The following PTPRG variants were observed in gnomAD, a reference collection of about 807,000 sequenced individuals.
PTPRG encodes the protein receptor-type tyrosine-protein phosphatase gamma.
PTPRG carries 102 observed loss-of-function variants against 165.3 expected under a neutral mutation model. That is an observed-to-expected ratio of 0.62 (90% CI 0.53 to 0.73). The LOEUF (loss-of-function observed/expected upper bound fraction) is 0.73. PTPRG is among the 30% of genes least tolerant of loss of function. PTPRG has a pLI of 0.00. For missense variants in PTPRG, 1,866 were observed against 1,861.4 expected (o/e 1.00, Z -0.05); for synonymous variants, 675 against 669.5 (o/e 1.01, Z -0.13).
At chr3:62,032,218 C>T (rs1275597727) in intron 4 of PTPRG, among the ~76,000 whole-genome samples, 1 of 152,138 alleles carries the variant, frequency 6.6e-6, no homozygotes, top group Non-Finnish European at 1.5e-5. Flanking sequence ...TCACAGGAGC[C>T]AGTGGGCACA....
intron 2 of PTPRG, among the ~76,000 whole-genome samples, chr3:61,825,331 G>C (rs2036075030): frequency 6.6e-6 from 1 of 152,140 alleles, no homozygotes; most frequent in African/African-American, 2.4e-5. Flanking sequence ...TGGTCATACT[G>C]AACACAGATT....
At chr3:62,016,051 A>C (rs923774585) in intron 4 of PTPRG, among the ~76,000 whole-genome samples, 1 of 152,198 alleles carries the variant, frequency 6.6e-6, no homozygotes, top group Non-Finnish European at 1.5e-5. Flanking sequence ...TGTAACATAG[A>C]GAAGTGATCA....
At chr3:61,607,133 A>G (rs1213822908) in intron 1 of PTPRG, among the ~76,000 whole-genome samples, 1 of 152,152 alleles carries the variant, frequency 6.6e-6, no homozygotes, top group East Asian at 1.9e-4. Flanking sequence ...TGGAACTTAG[A>G]GTGACCAGCA....
chr3:62,216,453 T>C (rs1700507376), intron 12 of PTPRG, among the ~76,000 whole-genome samples: 1 of 151,992 alleles, frequency 6.6e-6, no homozygotes, highest in Non-Finnish European at 1.5e-5. Context: ...ACAGAGTGGA[T>C]ACTGATTTTA....
intron 2 of PTPRG, among the ~76,000 whole-genome samples, chr3:61,961,964 C>A (rs2040162463): frequency 6.6e-6 from 1 of 152,012 alleles, no homozygotes; most frequent in African/African-American, 2.4e-5. Flanking sequence ...GTTCTTTGCC[C>A]TTCTTTGCTG....
intron 5 of PTPRG, among the ~76,000 whole-genome samples, chr3:62,097,006 A>G (rs995303420): frequency 3.3e-5 from 5 of 152,204 alleles, no homozygotes; most frequent in African/African-American, 1.2e-4. Flanking sequence ...GCCCATCTTA[A>G]AAGTGAAATT....
intron 12 of PTPRG, among the ~76,000 whole-genome samples, chr3:62,206,292 G>T (rs1335932075): frequency 1.3e-5 from 2 of 152,156 alleles, no homozygotes; most frequent in Admixed American, 1.3e-4. Context: ...TATGAGGTGT[G>T]TAGGTCCTCG....
At position 62,281,560 on chromosome 3, in the gene PTPRG, A is replaced by G. The variant is rs1702451077; in HGVS notation, c.3766-3A>G. 2 of 368,050 alleles carry G rather than the reference A, an allele frequency of 5.4e-6. No individual in the cohort carries two copies. Among genetic ancestry groups the G allele is most frequent in the African/African-American group, 8.6e-5 (1 of 11,626 alleles). 22.8% of individuals were successfully genotyped at this position (368,050 alleles called of 1,614,324 possible). A position where few individuals can be genotyped will look rare whatever the true frequency, so the allele number is the denominator to read the frequency against. On this transcript the variant is annotated splice_region_variant and splice_polypyrimidine_tract_variant and intron_variant, in intron 26 of 29. Transcript: ENST00000474889. ...AGGCTTTTTTTTTTTTTGGATTCCA[A>G]AGGCAGAAGATGAGTTTGTGTACTG...
chr3:62,069,665 CTCTCTCT>C (rs1235173558), intron 4 of PTPRG, among the ~76,000 whole-genome samples: 2 of 147,654 alleles, frequency 1.4e-5, no homozygotes, highest in Non-Finnish European at 3.0e-5. Flanking sequence ...CTCTCTCTCT[CTCTCTCT>C]CTCTCTCTCT....
intron 2 of PTPRG, among the ~76,000 whole-genome samples, chr3:61,941,316 A>G (rs1416008333): frequency 1.3e-5 from 2 of 152,378 alleles, no homozygotes; most frequent in East Asian, 1.9e-4. Flanking sequence ...AGAGAGTCAG[A>G]TGATCAGTTA....
chr3:62,024,067 G>T (rs535973138), intron 4 of PTPRG, among the ~76,000 whole-genome samples: 1 of 152,240 alleles, frequency 6.6e-6, no homozygotes, highest in African/African-American at 2.4e-5. Flanking sequence ...TTGTAAGAGT[G>T]TCTGTTTAGT....
At chr3:61,903,022 A>C (rs1430270160) in intron 2 of PTPRG, among the ~76,000 whole-genome samples, 1 of 152,078 alleles carries the variant, frequency 6.6e-6, no homozygotes, top group African/African-American at 2.4e-5. Context: ...GGCACATGTA[A>C]GACCTGCCAA....
intron 1 of PTPRG, among the ~76,000 whole-genome samples, chr3:61,662,803 A>C (rs1288165711): frequency 2.0e-5 from 3 of 152,212 alleles, no homozygotes; most frequent in Non-Finnish European, 4.4e-5. Context: ...GATCTGTTCC[A>C]GTAGCATTTT....
chr3:62,058,330 T>C (rs954209246), intron 4 of PTPRG, among the ~76,000 whole-genome samples: 1 of 151,904 alleles, frequency 6.6e-6, no homozygotes, highest in Non-Finnish European at 1.5e-5. Flanking sequence ...TATGCACTTA[T>C]TTATTATTAT....
intron 2 of PTPRG, among the ~76,000 whole-genome samples, chr3:61,854,309 A>G (rs552875854): frequency 7.7e-4 from 118 of 152,306 alleles, no homozygotes; most frequent in Non-Finnish European, 1.5e-3. Context: ...CACCATAATT[A>G]TAAAAACATT....
At chr3:61,719,116 A>G (rs2031942205) in intron 1 of PTPRG, among the ~76,000 whole-genome samples, 1 of 152,208 alleles carries the variant, frequency 6.6e-6, no homozygotes. Flanking sequence ...AACAGCAAGG[A>G]TTCCAGACAT....
chr3:61,906,304 A>C (rs1316491745), intron 2 of PTPRG, among the ~76,000 whole-genome samples: 5 of 151,794 alleles, frequency 3.3e-5, no homozygotes, highest in African/African-American at 1.2e-4. Flanking sequence ...AATAAAAAAA[A>C]AATTAGCCGG....
chr3:61,879,395 C>T (rs940068654), intron 2 of PTPRG, among the ~76,000 whole-genome samples: 11 of 152,190 alleles, frequency 7.2e-5, no homozygotes, highest in Admixed American at 1.3e-4. Flanking sequence ...TTTCTTTCTA[C>T]GGTTTTCTGT....
chr3:61,818,948 C>G (rs1575690235), intron 2 of PTPRG, among the ~76,000 whole-genome samples: 1 of 151,972 alleles, frequency 6.6e-6, no homozygotes, highest in East Asian at 1.9e-4. Context: ...CCACTATGTT[C>G]CTTACTAAAT....
Sources: allele counts gnomAD v4.1 joint callset (sites outside exome capture counted in the v4.1 genomes callset), GRCh38; gene constraint gnomAD v4.1.1; transcripts MANE v1.5; gene names NCBI Gene and HGNC (gene_info 2026-07-23, HGNC 2026-07-21).